The following MED15 variants were observed in gnomAD, a reference collection of about 807,000 sequenced individuals.
MED15 encodes the protein mediator of RNA polymerase II transcription subunit 15.
Under a neutral mutation model 118.7 loss-of-function variants are expected in MED15, and 41 were observed. The ratio of observed to expected loss-of-function variants is 0.35; its 90% CI spans 0.27 to 0.45. The LOEUF (loss-of-function observed/expected upper bound fraction) is 0.45, where lower values mean the gene tolerates loss of function less well. MED15 is among the 20% of genes least tolerant of loss of function. The pLI is 1.00. For missense variants in MED15, 740 were observed against 1,025.5 expected, an observed-to-expected ratio of 0.72 and a Z score of 3.80; for synonymous variants, 436 against 413.9, an observed-to-expected ratio of 1.05 and a Z score of -0.65.
intron 5 of MED15, among the ~76,000 whole-genome samples, chr22:20,556,175 G>T (rs1410268022): frequency 6.6e-6 from 1 of 152,122 alleles, no homozygotes; most frequent in Non-Finnish European, 1.5e-5. Context: ...AGCATAGAGA[G>T]TTCCCACATG....
chr22:20,554,798 G>T, intron 4 of MED15, 138 bp from the exon 5 acceptor site: 1 of 814,302 alleles, frequency 1.2e-6, no homozygotes, highest in African/African-American at 1.7e-5. Context: ...CAGGAGCCTA[G>T]TCTCTTACTG....
intron 14 of MED15, 43 bp from the exon 15 acceptor site, chr22:20,584,812 C>A: frequency 6.2e-7 from 1 of 1,605,114 alleles, no homozygotes; most frequent in African/African-American, 1.3e-5. Context: ...AAATGGGGAA[C>A]CCTCGGGTCC....
In MED15 at chr22:20,566,526, A is replaced by ACAGCAGCAG; in HGVS notation, c.778_786dup (p.Gln260_Gln262dup). ...CACAGCTGCAGCTCCAACAACAGCA[A>ACAGCAGCAG]CAGCAGCAGCAGCAGCAGCAGCAGC... On this transcript the variant is annotated inframe_insertion, in exon 7 of 18. Coordinates refer to ENST00000263205, the MANE Select transcript of MED15 (RefSeq NM_001003891.3). 1.2e-3 allele frequency: 1,880 copies of ACAGCAGCAG among 1,601,744 alleles called. 1 individual carries two copies. The highest frequency in any genetic ancestry group is 3.3e-3 in the South Asian group (298 of 90,634).
chr22:20,547,616 G>A (rs1352550628), intron 2 of MED15, among the ~76,000 whole-genome samples: 6 of 151,872 alleles, frequency 4.0e-5, no homozygotes, highest in African/African-American at 9.7e-5. Context: ...TCAGGAGATC[G>A]AGACCATCCT....
intron 2 of MED15, among the ~76,000 whole-genome samples, chr22:20,541,851 T>C (rs1024360962): frequency 2.0e-5 from 3 of 152,324 alleles, no homozygotes; most frequent in Admixed American, 2.0e-4. Context: ...GGTTTCACCA[T>C]GTTGGCCAGG....
intron 9 of MED15, among the ~76,000 whole-genome samples, chr22:20,578,199 A>G (rs2056879965): frequency 6.6e-6 from 1 of 152,226 alleles, no homozygotes; most frequent in South Asian, 2.1e-4. Flanking sequence ...TGTTGAGATT[A>G]CAGGTGTGAA....
intron 1 of MED15, among the ~76,000 whole-genome samples, chr22:20,508,738 C>G (rs1044885176): frequency 6.6e-6 from 1 of 152,148 alleles, no homozygotes; most frequent in Non-Finnish European, 1.5e-5. Context: ...GCTGTTTTTA[C>G]TTCTTTTGTG....
At chr22:20,531,577 C>T (rs200272633) in intron 1 of MED15, among the ~76,000 whole-genome samples, 2 of 152,262 alleles carry the variant, frequency 1.3e-5, no homozygotes, top group East Asian at 1.9e-4. Context: ...CTGGCCTCCA[C>T]TGCCAGGACG....
rs186209920 is a variant in MED15 at position 20,561,347 on chromosome 22, C to T, written c.452-3103C>T. 4.6e-5 allele frequency among the ~76,000 whole-genome samples: 7 copies of T among 152,106 alleles called. No homozygotes were observed. The East Asian group carries it at 9.7e-4, about 21-fold the overall frequency. ...GATCCTGGCCAACATGGTGAAACGC[C>T]GTCTCTCCTAAAAATACAAAAAGTT... On this transcript the variant is annotated intron_variant, in intron 5 of 17. Transcript: ENST00000263205.
chr22:20,523,066 C>G (rs545972743), intron 1 of MED15: 1 of 152,206 alleles, frequency 6.6e-6, no homozygotes, highest in African/African-American at 2.4e-5. Context: ...CTCTCCAGAG[C>G]TGGCTGTTAC....
At chr22:20,529,376 T>G (rs906505368) in intron 1 of MED15, among the ~76,000 whole-genome samples, 1 of 152,048 alleles carries the variant, frequency 6.6e-6, no homozygotes, top group Non-Finnish European at 1.5e-5. Context: ...GCTTCCCAAG[T>G]AGCTGGGATT....
At chr22:20,564,319 G>T in intron 5 of MED15, 131 bp from the exon 6 acceptor site, 3 of 1,468,454 alleles carry the variant, frequency 2.0e-6, no homozygotes, top group Non-Finnish European at 2.8e-6. Flanking sequence ...GTGGTAAATG[G>T]AACGTTCAGA....
At position 20,555,031 on chromosome 22, in the gene MED15, G is replaced by C. The variant is rs372581371; in HGVS notation, c.334G>C (p.Gly112Arg). The C allele has an allele frequency of 2.5e-6, 4 of 1,612,660 alleles. No individual in the cohort carries two copies. The highest frequency in any genetic ancestry group is 3.4e-6 in the Non-Finnish European group (4 of 1,179,996). The change falls in exon 5 of 18, where the codon GGG becomes CGG. Residue 112 changes from glycine (G) to arginine (R), a missense_variant. Around this residue, in one of 7 missense-constraint regions of MED15, gnomAD observed 117 missense variants for 124.6 expected, o/e 0.94. Coordinates refer to ENST00000263205, the MANE Select transcript of MED15 (RefSeq NM_001003891.3). ...TCGGGGCCCGGGACAGTCTCTGGGC[G>C]GGATGGGTAGCCTTGGTGCCATGGG... ...PPRGPGQSLG[G>R]MGSLGAMGQP...
At chr22:20,507,859 C>T (rs977496616) in intron 1 of MED15, 113 bp downstream of exon 1, 3 of 1,529,536 alleles carry the variant, frequency 2.0e-6, no homozygotes, top group Non-Finnish European at 2.6e-6. Context: ...ACAGAAGGCG[C>T]CGGGGACTTG....
intron 5 of MED15, among the ~76,000 whole-genome samples, chr22:20,558,514 T>C (rs2056105903): frequency 6.6e-6 from 1 of 152,204 alleles, no homozygotes; most frequent in South Asian, 2.1e-4. Context: ...TCATGAGTTT[T>C]ATATGACGTG....
chr22:20,586,349 G>C (rs2057135004), intron 17 of MED15, among the ~76,000 whole-genome samples: 1 of 152,150 alleles, frequency 6.6e-6, no homozygotes, highest in Admixed American at 6.5e-5. Flanking sequence ...GGGTCCCCAA[G>C]GTTGTTAGAG....
intron 1 of MED15, among the ~76,000 whole-genome samples, chr22:20,516,281 C>A (rs1471510640): frequency 1.3e-5 from 2 of 151,842 alleles, no homozygotes; most frequent in Non-Finnish European, 2.9e-5. Flanking sequence ...CCATTGCACT[C>A]CAGCCTGGGC....
At chr22:20,513,752 A>G (rs1454236970) in intron 1 of MED15, among the ~76,000 whole-genome samples, 2 of 152,214 alleles carry the variant, frequency 1.3e-5, no homozygotes, top group Non-Finnish European at 2.9e-5. Context: ...TAGGAGATCT[A>G]TAGTCTTGGA....
chr22:20,531,453 A>G (rs1346999166), intron 1 of MED15, among the ~76,000 whole-genome samples: 1 of 152,158 alleles, frequency 6.6e-6, no homozygotes, highest in African/African-American at 2.4e-5. Context: ...GCCTCTCCCA[A>G]GACCCAGAGC....
Sources: gnomAD v4.1 joint callset for allele counts (sites outside exome capture counted in the v4.1 genomes callset) on GRCh38, gnomAD v4.1.1 for gene constraint, gnomAD v4.1.1 regional missense constraint, MANE v1.5 for transcripts, NCBI Gene and HGNC (gene_info 2026-07-23, HGNC 2026-07-21) for gene names.